The following DCST1 variants were observed in gnomAD, a reference collection of about 807,000 sequenced individuals.
DCST1 encodes DC-STAMP domain containing 1, also known as E3 ubiquitin-protein ligase DCST1.
Under a neutral mutation model 89.1 loss-of-function variants are expected in DCST1, and 78 were observed. The observed-to-expected ratio is 0.88, with a 90% CI of 0.73 to 1.06. The LOEUF is 1.06. DCST1 is among the 50% of genes least tolerant of loss of function. The pLI is 0.00. For missense variants in DCST1, 900 were observed against 928.6 expected (o/e 0.97, Z 0.40); for synonymous variants, 364 against 371.9 (o/e 0.98, Z 0.24).
chr1:155,043,411 G>GTCCCGCACTACTGGGA lies in DCST1; in HGVS notation c.1074_1075insTCCCGCACTACTGGGA (p.Val359SerfsTer47). 6.2e-7 allele frequency: 1 copy of GTCCCGCACTACTGGGA among 1,611,658 alleles called. No individual in the cohort carries two copies. Among genetic ancestry groups the GTCCCGCACTACTGGGA allele is most frequent in the Non-Finnish European group, 8.5e-7 (1 of 1,178,390 alleles). On this transcript the variant is annotated frameshift_variant, in exon 10 of 17. Transcript: ENST00000295542. LOFTEE classifies it high-confidence loss of function. ...CAAGCTGGGAGCGCGTGAGCACCGAGGTGCGGGACTACGTGTACCGCCAGG... is the reference window on the plus strand; with the variant it reads ...CAAGCTGGGAGCGCGTGAGCACCGAGTCCCGCACTACTGGGAGTGCGGGACTACGTGTACCGCCAGG...
rs776139755 is a variant in DCST1, at chr1:155,048,062, G to A, written c.1761G>A (p.Glu587=). The change falls in exon 16 of 17, where the codon GAG becomes GAA. Residue 587 remains glutamate (E), a synonymous_variant. Coordinates refer to ENST00000295542, the MANE Select transcript of DCST1 (RefSeq NM_152494.4). ...VIAAFYFPKR[E]KKRILFLYND... is the part of the protein sequence containing the mutation. Reference sequence around the variant, plus strand: ...GACCCCCTTCCTGCCCCCAGCGAGAGAAGAAGCGGATCCTGTTCCTCTACA... The same window carrying A: ...GACCCCCTTCCTGCCCCCAGCGAGAAAAGAAGCGGATCCTGTTCCTCTACA... 6.2e-7 allele frequency: 1 copy of A among 1,614,006 alleles called. No individual in the cohort carries two copies. The highest frequency in any genetic ancestry group is 8.5e-7 in the Non-Finnish European group (1 of 1,179,986).
rs147149914 is a variant in DCST1 at position 155,050,864 on chromosome 1, G to A, written c.2117G>A (p.Gly706Glu). 1.2e-6 allele frequency: 2 copies of A among 1,608,446 alleles called. No homozygotes were observed. Among genetic ancestry groups the A allele is most frequent in the Non-Finnish European group, 1.7e-6 (2 of 1,176,022 alleles). The change falls in exon 17 of 17, where the codon GGG (glycine) becomes GAG (glutamate). Residue 706 changes from glycine (G) to glutamate (E), a missense_variant. Coordinates refer to ENST00000295542, the MANE Select transcript of DCST1 (RefSeq NM_152494.4). ...AGCAACGACGACACTGCCTACGCGG[G>A]GTGAAGAGGCGTCCTGCTCGCTCTT... is the stretch of plus-strand genomic sequence containing the variant. ...SDSNDDTAYA[G>E]
rs775400440 is a variant in DCST1 at position 155,050,769 on chromosome 1, G to A, written c.2022G>A (p.Trp674Ter). 87 of 1,611,632 alleles carry A rather than the reference G, an allele frequency of 5.4e-5. No individual in the cohort carries two copies. Among genetic ancestry groups the A allele is most frequent in the Non-Finnish European group, 7.2e-5 (85 of 1,179,170 alleles). ...AGGCCGTGTACTGCTGGTCGTGCTG[G>A]GACGACATGCGGCAGCGGTGCCCGG... Reference protein sequence around the residue: ...DCEAVYCWSCWDDMRQRCPVC... With the variant: ...DCEAVYCWSC The change falls in exon 17 of 17, where the codon TGG (tryptophan) becomes TGA (stop). Residue 674 changes from tryptophan (W) to a stop codon, truncating the protein, a stop_gained. Coordinates refer to ENST00000295542, the MANE Select transcript of DCST1 (RefSeq NM_152494.4). LOFTEE classifies it high-confidence loss of function.
intron 8 of DCST1, 108 bp from the exon 9 acceptor site, chr1:155,042,625 CAG>C: frequency 1.4e-6 from 2 of 1,467,004 alleles, no homozygotes; most frequent in Non-Finnish European, 9.4e-7. Flanking sequence ...AAGCCATGGG[CAG>C]AGAGACAAAA....
At position 155,045,911 on chromosome 1, in the gene DCST1, CA is replaced by C. The variant is rs774021104; in HGVS notation, c.1192del (p.Ser398AlafsTer56). 1.2e-6 allele frequency: 2 copies of C among 1,614,188 alleles called. No homozygotes were observed. Among genetic ancestry groups the C allele is most frequent in the South Asian group, 2.2e-5 (2 of 91,088 alleles). On this transcript the variant is annotated frameshift_variant, in exon 11 of 17. Transcript: ENST00000295542. LOFTEE classifies it high-confidence loss of function. Reference protein sequence around the residue: ...VLHASFSYMDSYNHDIRFDNI... With the variant: ...VLHASFSYMDXYNHDIRFDNI... ...CCCACAGGTCTTTCTCCTACATGGA[CA>C]GCTATAACCATGACATTCGTTTTGA...
intron 10 of DCST1, among the ~76,000 whole-genome samples, chr1:155,044,505 C>T (rs1170242587): frequency 9.1e-6 from 1 of 110,420 alleles, no homozygotes; most frequent in Non-Finnish European, 1.9e-5. Context: ...AAAAAAAAAG[C>T]TAATGATCTA....
At chr1:155,042,474 C>T (rs1660465947) in intron 8 of DCST1, among the ~76,000 whole-genome samples, 1 of 152,146 alleles carries the variant, frequency 6.6e-6, no homozygotes, top group Non-Finnish European at 1.5e-5. Flanking sequence ...AGAGGAGCTG[C>T]TCTGTAAACG....
Position 155,043,507 on chromosome 1 carries a change from T to A in DCST1, c.1170T>A (p.His390Gln), listed in dbSNP as rs781735139. 1.3e-6 allele frequency: 2 copies of A among 1,583,600 alleles called. No individual in the cohort carries two copies. The highest frequency in any genetic ancestry group is 4.5e-5 in the East Asian group (2 of 44,630). ...LLSCTFLLVL[H>Q]ASFSYMDSYN... ...CCTGCACTTTCCTGCTGGTCCTGCATGCGTGAGCCATAGTCCCCACCCCAG... is the reference window on the plus strand; with the variant it reads ...CCTGCACTTTCCTGCTGGTCCTGCAAGCGTGAGCCATAGTCCCCACCCCAG... The change falls in exon 10 of 17, where the codon CAT becomes CAA. Residue 390 changes from histidine to glutamine, a missense_variant and splice_region_variant. His to Gln is a conservative substitution (Grantham distance 24, BLOSUM62 0). Transcript: ENST00000295542.
chr1:155,049,525 G>A (rs1198839609), intron 16 of DCST1, among the ~76,000 whole-genome samples: 3 of 151,360 alleles, frequency 2.0e-5, no homozygotes, highest in African/African-American at 2.4e-5. Context: ...AGCGATTCTC[G>A]TGCCTCAGCT....
intron 8 of DCST1, among the ~76,000 whole-genome samples, chr1:155,042,350 C>T (rs1233811243): frequency 6.6e-6 from 1 of 152,206 alleles, no homozygotes; most frequent in African/African-American, 2.4e-5. Flanking sequence ...CCACCCACCT[C>T]AGCCTCCCAA....
At chr1:155,045,123 AC>A (rs1660575260) in intron 10 of DCST1, 1 of 152,312 alleles carries the variant, frequency 6.6e-6, no homozygotes, top group African/African-American at 2.4e-5. Flanking sequence ...CTTTGCACTT[AC>A]AGTAGTTTTA....
intron 6 of DCST1, 94 bp from the exon 7 acceptor site, chr1:155,041,303 C>G: frequency 7.4e-7 from 1 of 1,358,728 alleles, no homozygotes; most frequent in Non-Finnish European, 1.0e-6. Flanking sequence ...GGTGAGAACC[C>G]AAAGCTTGGC....
chr1:155,043,841 G>C (rs1304283022), intron 10 of DCST1, among the ~76,000 whole-genome samples: 1 of 151,672 alleles, frequency 6.6e-6, no homozygotes, highest in Non-Finnish European at 1.5e-5. Context: ...CTGACTTTGT[G>C]CCATTTTTAT....
In DCST1 at chr1:155,034,697, CAGA is replaced by C. The variant is rs775843572; in HGVS notation, c.236_238del (p.Lys79del). On this transcript the variant is annotated inframe_deletion, in exon 4 of 17. Transcript: ENST00000295542. ...GAACCCCATGAACATCTACGAAGAACAGAAGATTATGTTCTTGTACAGCTTGGT... is the reference window on the plus strand; with the variant it reads ...GAACCCCATGAACATCTACGAAGAACAGATTATGTTCTTGTACAGCTTGGT... The C allele has an allele frequency of 6.2e-7, 1 of 1,614,182 alleles. No individual in the cohort carries two copies. Among genetic ancestry groups the C allele is most frequent in the Admixed American group, 1.7e-5 (1 of 60,026 alleles).
intron 4 of DCST1, 132 bp from the exon 5 acceptor site, chr1:155,039,271 A>C (rs1660356207): frequency 9.2e-7 from 1 of 1,088,594 alleles, no homozygotes; most frequent in Non-Finnish European, 1.2e-6. Context: ...TATCAGAGTC[A>C]GTGTAAATGG....
intron 4 of DCST1, among the ~76,000 whole-genome samples, chr1:155,037,473 T>G (rs995073974): frequency 3.3e-5 from 5 of 150,418 alleles, no homozygotes; most frequent in Non-Finnish European, 7.4e-5. Flanking sequence ...AGACAGAGTC[T>G]TGCTCTGTCC....
intron 2 of DCST1, 149 bp from the exon 3 acceptor site, chr1:155,034,286 C>T: frequency 1.9e-6 from 3 of 1,584,154 alleles, no homozygotes; most frequent in Non-Finnish European, 2.6e-6. Flanking sequence ...CTTCCTCAGG[C>T]TCCCTCATCC....
chr1:155,038,825 G>A (rs961231238), intron 4 of DCST1, among the ~76,000 whole-genome samples: 2 of 152,144 alleles, frequency 1.3e-5, no homozygotes, highest in African/African-American at 4.8e-5. Context: ...TTACTCATCT[G>A]TCTCTTTCTC....
rs756743028 is a variant in DCST1 at position 155,045,912 on chromosome 1, A to G, written c.1192A>G (p.Ser398Gly). ...VLHASFSYMD[S>G]YNHDIRFDNI... ...CCACAGGTCTTTCTCCTACATGGAC[A>G]GCTATAACCATGACATTCGTTTTGA... The change falls in exon 11 of 17, where the codon AGC becomes GGC. Residue 398 changes from serine (S) to glycine (G), a missense_variant. Physicochemically the swap from Ser to Gly is moderately conservative, Grantham distance 56. Coordinates refer to ENST00000295542, the MANE Select transcript of DCST1 (RefSeq NM_152494.4). 2 of 1,614,218 alleles carry G rather than the reference A, an allele frequency of 1.2e-6. No individual in the cohort carries two copies. The highest frequency in any genetic ancestry group is 1.7e-5 in the Admixed American group (1 of 60,030).
Sources: allele counts gnomAD v4.1 joint callset (sites outside exome capture counted in the v4.1 genomes callset), GRCh38; gene constraint gnomAD v4.1.1; transcripts MANE v1.5; gene names NCBI Gene and HGNC (gene_info 2026-07-23, HGNC 2026-07-21).